Variants in ENPP2 observed in about 807,000 individuals in gnomAD.
ENPP2 encodes autotaxin.
Under a neutral mutation model 120.2 loss-of-function variants are expected in ENPP2, and 51 were observed. That is an observed-to-expected ratio of 0.42 (90% CI 0.34 to 0.54). The LOEUF (loss-of-function observed/expected upper bound fraction) is 0.54. Ranked by LOEUF, ENPP2 falls within the 20% of genes least tolerant of loss-of-function variation. ENPP2 has a pLI of 0.04. For synonymous variants in ENPP2, 365 were observed against 366.4 expected (o/e 1.00, Z 0.04); for missense variants, 920 against 1,066.5 (o/e 0.86, Z 1.91).
At chr8:119,612,382 A>G (rs1365311495) in intron 8 of ENPP2, among the ~76,000 whole-genome samples, 1 of 152,218 alleles carries the variant, frequency 6.6e-6, no homozygotes, top group Non-Finnish European at 1.5e-5. Flanking sequence ...AGAGGTTAGC[A>G]ATGACTTGTA....
chr8:119,604,874 C>T (rs1814585991), intron 9 of ENPP2, among the ~76,000 whole-genome samples: 1 of 151,984 alleles, frequency 6.6e-6, no homozygotes, highest in South Asian at 2.1e-4. Flanking sequence ...CCTGGGTTCA[C>T]ACCATTCTCC....
At chr8:119,670,162 T>C (rs554435347) in intron 1 of ENPP2, among the ~76,000 whole-genome samples, 7 of 152,268 alleles carry the variant, frequency 4.6e-5, no homozygotes, top group African/African-American at 1.7e-4. Flanking sequence ...CAGCTCTTTC[T>C]TGGGGAAGGT....
At chr8:119,562,343 T>G (rs1014514324) in intron 24 of ENPP2, among the ~76,000 whole-genome samples, 8 of 152,000 alleles carry the variant, frequency 5.3e-5, no homozygotes, top group Non-Finnish European at 1.0e-4. Flanking sequence ...CTCGGGAGGC[T>G]GAGGCAGGAG....
intron 1 of ENPP2, among the ~76,000 whole-genome samples, chr8:119,667,380 T>C (rs1445777024): frequency 6.6e-6 from 1 of 152,232 alleles, no homozygotes; most frequent in Non-Finnish European, 1.5e-5. Flanking sequence ...TTCTTTATTG[T>C]ATTGAGCTGA....
intron 9 of ENPP2, among the ~76,000 whole-genome samples, chr8:119,604,810 G>A (rs973324777): frequency 2.0e-5 from 3 of 152,068 alleles, no homozygotes; most frequent in Middle Eastern, 3.4e-3. Flanking sequence ...GTCTTGCTCT[G>A]TCTCCCAGGC....
Position 119,564,570 on chromosome 8 carries a change from C to T in ENPP2, c.2264+253G>A, listed in dbSNP as rs543164471. Among the ~76,000 whole-genome samples, 685 of 152,010 alleles carry T rather than the reference C, an allele frequency of 4.5e-3. 4 individuals are homozygous for T. The highest frequency in any genetic ancestry group is 7.4e-3 in the Non-Finnish European group (500 of 67,996). Reference sequence around the variant, plus strand: ...GTGCATGCCTGTAATCCCAGTTACTCAGGAGGCTGAAGCAGGAGAATCACT... The same window carrying T: ...GTGCATGCCTGTAATCCCAGTTACTTAGGAGGCTGAAGCAGGAGAATCACT... On this transcript the variant is annotated intron_variant, in intron 23 of 24. Transcript: ENST00000075322.
At chr8:119,568,043 C>T in intron 22 of ENPP2, 132 bp downstream of exon 22, 1 of 588,198 alleles carries the variant, frequency 1.7e-6, no homozygotes, top group Admixed American at 3.3e-5. Context: ...ATGAAAGATC[C>T]TCAAAAATTA....
intron 1 of ENPP2, among the ~76,000 whole-genome samples, chr8:119,663,276 C>T (rs1817978283): frequency 6.6e-6 from 1 of 152,164 alleles, no homozygotes; most frequent in African/African-American, 2.4e-5. Flanking sequence ...TTGTCAGTAA[C>T]CTCTGAAGTC....
At chr8:119,643,118 A>G (rs1221368167), upstream of ENPP2, among the ~76,000 whole-genome samples, 1 of 152,232 alleles carries the variant, frequency 6.6e-6, no homozygotes, top group Non-Finnish European at 1.5e-5. Context: ...TACAAAAGTA[A>G]GAAAACACCA....
intron 19 of ENPP2, chr8:119,571,967 T>C: frequency 2.0e-6 from 1 of 510,460 alleles, no homozygotes; most frequent in Non-Finnish European, 3.5e-6. Flanking sequence ...AAGCCTGTTC[T>C]GGGTAGTTCG....
chr8:119,557,419 A>T lies in ENPP2; in HGVS notation c.*102T>A, dbSNP rs1813550751. 2.0e-6 allele frequency: 2 copies of T among 975,656 alleles called. No individual in the cohort carries two copies. Among genetic ancestry groups the T allele is most frequent in the Non-Finnish European group, 1.5e-6 (1 of 660,686 alleles). 60.4% of individuals were successfully genotyped at this position (975,656 alleles called of 1,614,324 possible). On this transcript the variant is annotated 3_prime_UTR_variant, in exon 25 of 25. Coordinates refer to ENST00000075322, the MANE Select transcript of ENPP2 (RefSeq NM_001040092.3). ...TATGTCAGATTTGGTACAGGATTAA[A>T]ATACTAACATTTTTAATGTCCTGGT...
chr8:119,600,885 A>C, intron 10 of ENPP2, 135 bp from the exon 11 acceptor site: 1 of 607,804 alleles, frequency 1.6e-6, no homozygotes, highest in Non-Finnish European at 2.9e-6. Flanking sequence ...TCATGTTAGC[A>C]TGAAAAACTT....
In ENPP2 at chr8:119,586,282, T is replaced by C; in HGVS notation, c.1271A>G (p.Tyr424Cys). 6.2e-7 allele frequency: 1 copy of C among 1,613,988 alleles called. No individual in the cohort carries two copies. Among genetic ancestry groups the C allele is most frequent in the South Asian group, 1.1e-5 (1 of 91,078 alleles). ...ACGTTTGGGAAGGTGCTGTTTCAAG[T>C]AAGGCTTAAAGTGCTGATCTGGTTT... is the stretch of plus-strand genomic sequence containing the variant. ...CKKPDQHFKPYLKQHLPKRLH... is the reference protein window; with the variant it reads ...CKKPDQHFKPCLKQHLPKRLH... Residue 424 changes from tyrosine to cysteine, a missense_variant, in exon 15 of 25, where the codon TAC (tyrosine) becomes TGC (cysteine). Physicochemically the swap from Tyr to Cys is radical, Grantham distance 194. Transcript: ENST00000075322.
intron 18 of ENPP2, among the ~76,000 whole-genome samples, chr8:119,582,011 G>A (rs945230877): frequency 6.6e-6 from 1 of 152,046 alleles, no homozygotes; most frequent in East Asian, 1.9e-4. Context: ...GGGATTATAG[G>A]CGTGAGCCAC....
upstream of ENPP2, among the ~76,000 whole-genome samples, chr8:119,640,033 A>C (rs997422560): frequency 2.6e-5 from 4 of 152,258 alleles, no homozygotes; most frequent in Non-Finnish European, 4.4e-5. Flanking sequence ...TTAGTAACAG[A>C]GTAGTGGCTC....
chr8:119,638,772 C>T lies in ENPP2; in HGVS notation c.9G>A (p.Arg3=), dbSNP rs761158154. The T allele has an allele frequency of 2.5e-6, 4 of 1,611,554 alleles. No individual in the cohort carries two copies. The highest frequency in any genetic ancestry group is 3.4e-6 in the Non-Finnish European group (4 of 1,177,598). Residue 3 remains arginine (R), a synonymous_variant, in exon 1 of 25, where the codon AGG becomes AGA. Transcript: ENST00000075322. The stretch of plus-strand genomic sequence containing the variant: ...CCTGACACGACTGGAACGAGCTCCT[C>T]CTTGCCATGTCGAGGATTCTTGGAA... MA[R]RSSFQSCQII... is the part of the protein sequence containing the mutation.
chr8:119,600,629 G>A (rs1482458763), intron 11 of ENPP2, 49 bp downstream of exon 11: 1 of 1,135,454 alleles, frequency 8.8e-7, no homozygotes, highest in Admixed American at 1.8e-5. Flanking sequence ...CAGTAGATCA[G>A]GTAGCCCAGG....
chr8:119,566,969 A>AT (rs549891959), intron 22 of ENPP2, among the ~76,000 whole-genome samples: 1 of 151,924 alleles, frequency 6.6e-6, no homozygotes, highest in Non-Finnish European at 1.5e-5. Flanking sequence ...TCAAATAAAC[A>AT]TTTTTTTCTC....
intron 8 of ENPP2, among the ~76,000 whole-genome samples, chr8:119,614,347 G>T (rs758720489): frequency 5.9e-5 from 9 of 151,962 alleles, no homozygotes; most frequent in Non-Finnish European, 1.2e-4. Context: ...CATCGCACAT[G>T]AGCCACCACG....
Sources: allele counts gnomAD v4.1 joint callset (sites outside exome capture counted in the v4.1 genomes callset), GRCh38; gene constraint gnomAD v4.1.1; transcripts MANE v1.5; gene names NCBI Gene and HGNC (gene_info 2026-07-23, HGNC 2026-07-21).